The following SLC25A21 variants were observed in gnomAD, a reference collection of about 807,000 sequenced individuals.
The protein encoded by SLC25A21 is solute carrier family 25 member 21.
In SLC25A21, 47 loss-of-function variants were observed where a neutral mutation model predicts 43.8. The ratio of observed to expected loss-of-function variants is 1.07; its 90% CI spans 0.85 to 1.37. SLC25A21 has a LOEUF of 1.37. SLC25A21 is among the 40% of genes most tolerant of loss of function. The pLI, the probability that SLC25A21 is intolerant of heterozygous loss-of-function variation, is 0.00. For missense variants in SLC25A21, 352 were observed against 350.2 expected, an observed-to-expected ratio of 1.00 and a Z score of -0.04; for synonymous variants, 131 against 121.3, an observed-to-expected ratio of 1.08 and a Z score of -0.52.
chr14:37,117,587 A>G (rs1429707917), intron 1 of SLC25A21, among the ~76,000 whole-genome samples: 6 of 152,184 alleles, frequency 3.9e-5, no homozygotes. Context: ...CTAATATAAC[A>G]TATACTAGAG....
At chr14:37,158,880 G>C (rs1196821503) in intron 1 of SLC25A21, among the ~76,000 whole-genome samples, 1 of 152,088 alleles carries the variant, frequency 6.6e-6, no homozygotes, top group Non-Finnish European at 1.5e-5. Flanking sequence ...AATGAATGTA[G>C]TAAACTTTCA....
intron 1 of SLC25A21, chr14:37,171,958 T>C (rs1048388882): frequency 5.3e-6 from 2 of 375,910 alleles, no homozygotes; most frequent in Admixed American, 8.4e-5. Flanking sequence ...GTAAAATAGG[T>C]AGCAAGGCAA....
At chr14:36,931,709 T>C (rs1457606168) in intron 1 of SLC25A21, among the ~76,000 whole-genome samples, 1 of 152,108 alleles carries the variant, frequency 6.6e-6, no homozygotes. Flanking sequence ...AAGAATCTAA[T>C]GCAGTAAAGC....
intron 1 of SLC25A21, among the ~76,000 whole-genome samples, chr14:37,147,220 C>T (rs145284752): frequency 1.3e-5 from 2 of 152,194 alleles, no homozygotes; most frequent in South Asian, 2.1e-4. Flanking sequence ...CAGTTAACAG[C>T]GTTATTAAAA....
intron 1 of SLC25A21, among the ~76,000 whole-genome samples, chr14:37,066,167 C>T (rs990935199): frequency 1.2e-4 from 19 of 152,098 alleles, no homozygotes; most frequent in African/African-American, 4.1e-4. Context: ...GAGAAAAATA[C>T]AGTATCAAAA....
chr14:36,879,401 G>A (rs970706515), intron 1 of SLC25A21, among the ~76,000 whole-genome samples: 1 of 152,080 alleles, frequency 6.6e-6, no homozygotes, highest in Admixed American at 6.6e-5. Flanking sequence ...TTATAAGGCT[G>A]AACATTATAA....
intron 1 of SLC25A21, among the ~76,000 whole-genome samples, chr14:36,931,683 G>A (rs1357933382): frequency 1.3e-5 from 2 of 152,110 alleles, no homozygotes; most frequent in Non-Finnish European, 2.9e-5. Flanking sequence ...GAGACAGAAA[G>A]CAGAGAAGAG....
intron 1 of SLC25A21, among the ~76,000 whole-genome samples, chr14:37,034,888 G>C (rs918483503): frequency 1.2e-3 from 176 of 152,302 alleles, no homozygotes; most frequent in African/African-American, 4.1e-3. Flanking sequence ...GGGCCTAACC[G>C]TATTGCTGAA....
chr14:37,112,394 G>A (rs1963035881), intron 1 of SLC25A21, among the ~76,000 whole-genome samples: 1 of 152,174 alleles, frequency 6.6e-6, no homozygotes, highest in African/African-American at 2.4e-5. Flanking sequence ...GGAGAAATAA[G>A]AGAAAATGGG....
intron 1 of SLC25A21, among the ~76,000 whole-genome samples, chr14:36,921,577 GA>G (rs1306103980): frequency 6.6e-6 from 1 of 152,088 alleles, no homozygotes; most frequent in East Asian, 1.9e-4. Flanking sequence ...ATGACAGACC[GA>G]AAAGAGTCCA....
At chr14:37,065,829 A>C (rs528597433) in intron 1 of SLC25A21, among the ~76,000 whole-genome samples, 2 of 152,376 alleles carry the variant, frequency 1.3e-5, no homozygotes, top group South Asian at 2.1e-4. Flanking sequence ...AAAATTTAAG[A>C]GGAAAAAAAT....
chr14:36,810,960 G>A (rs200206782), intron 3 of SLC25A21, among the ~76,000 whole-genome samples: 1 of 31,910 alleles, frequency 3.1e-5, no homozygotes, highest in Non-Finnish European at 8.6e-5. Flanking sequence ...GAGAAAAGAG[G>A]GTCAGGGAGG....
At chr14:36,692,630 GCATTTCACC>G (rs780248489) in intron 7 of SLC25A21, among the ~76,000 whole-genome samples, 1 of 152,134 alleles carries the variant, frequency 6.6e-6, no homozygotes, top group Non-Finnish European at 1.5e-5. Flanking sequence ...CTTTAAGAAG[GCATTTCACC>G]CAGCGATATG....
intron 1 of SLC25A21, among the ~76,000 whole-genome samples, chr14:37,005,408 C>A (rs2138730696): frequency 6.6e-6 from 1 of 152,198 alleles, no homozygotes; most frequent in Non-Finnish European, 1.5e-5. Flanking sequence ...TTATTGATTC[C>A]CTCAGAGCTA....
chr14:36,954,340 A>G (rs988053861), intron 1 of SLC25A21, among the ~76,000 whole-genome samples: 14 of 152,076 alleles, frequency 9.2e-5, no homozygotes, highest in African/African-American at 3.4e-4. Context: ...CCTCCTTAGC[A>G]TAATCCTCGT....
At chr14:36,727,086 G>A (rs561927939) in intron 5 of SLC25A21, among the ~76,000 whole-genome samples, 4 of 152,162 alleles carry the variant, frequency 2.6e-5, no homozygotes, top group Non-Finnish European at 5.9e-5. Context: ...ATAGACAAAG[G>A]TGCCCAACCA....
intron 1 of SLC25A21, among the ~76,000 whole-genome samples, chr14:36,876,128 G>A (rs1434641475): frequency 6.6e-6 from 1 of 152,172 alleles, no homozygotes; most frequent in Non-Finnish European, 1.5e-5. Flanking sequence ...TATAGGCAGA[G>A]CATTTACCTC....
At chr14:36,984,819 T>G (rs1426219581) in intron 1 of SLC25A21, among the ~76,000 whole-genome samples, 1 of 152,068 alleles carries the variant, frequency 6.6e-6, no homozygotes, top group African/African-American at 2.4e-5. Context: ...AGCCATCCCA[T>G]TACTGGGTAT....
At chr14:36,720,751 T>C (rs1356903301) in intron 6 of SLC25A21, among the ~76,000 whole-genome samples, 2 of 152,274 alleles carry the variant, frequency 1.3e-5, no homozygotes, top group Non-Finnish European at 2.9e-5. Flanking sequence ...TGGCCTCAAA[T>C]GTTCTGTTTC....
Sources: allele counts gnomAD v4.1 joint callset (sites outside exome capture counted in the v4.1 genomes callset), GRCh38; gene constraint gnomAD v4.1.1; transcripts MANE v1.5; gene names NCBI Gene and HGNC (gene_info 2026-07-23, HGNC 2026-07-21).